Variants in GRIA1 observed in about 807,000 individuals in gnomAD.
GRIA1 encodes glutamate receptor 1.
A neutral mutation model predicts 99.2 loss-of-function variants in GRIA1; 31 were observed. The observed-to-expected ratio is 0.31, with a 90% CI of 0.23 to 0.42. The LOEUF (loss-of-function observed/expected upper bound fraction) is 0.42. Ranked by LOEUF, GRIA1 falls within the 10% of genes least tolerant of loss-of-function variation. The probability of loss-of-function intolerance (pLI) is 1.00; values close to 1 mark genes in which losing one functional copy is unlikely to be tolerated. For missense variants in GRIA1, 782 were observed against 1,157.5 expected (o/e 0.68, Z 4.71); for synonymous variants, 438 against 432.4 (o/e 1.01, Z -0.16).
chr5:153,751,363 T>A (rs1255595329), intron 11 of GRIA1, among the ~76,000 whole-genome samples: 1 of 152,264 alleles, frequency 6.6e-6, no homozygotes, highest in Admixed American at 6.5e-5. Flanking sequence ...TGTCAACTAC[T>A]GTTGCATATT....
chr5:153,530,676 G>A (rs1205432911), intron 2 of GRIA1, among the ~76,000 whole-genome samples: 1 of 152,216 alleles, frequency 6.6e-6, no homozygotes, highest in African/African-American at 2.4e-5. Context: ...CTGGGTGTTT[G>A]CATTCAGACA....
chr5:153,648,937 G>A (rs1754348051), intron 3 of GRIA1, among the ~76,000 whole-genome samples: 3 of 152,070 alleles, frequency 2.0e-5, no homozygotes, highest in Admixed American at 6.6e-5. Flanking sequence ...GATTAAGGTT[G>A]CTAAACTATT....
intron 2 of GRIA1, among the ~76,000 whole-genome samples, chr5:153,537,916 C>A (rs2113471371): frequency 6.6e-6 from 1 of 152,262 alleles, no homozygotes; most frequent in South Asian, 2.1e-4. Flanking sequence ...GTGCTCTTAC[C>A]AGCCCTGTGA....
At chr5:153,502,541 G>C (rs372182003) in intron 2 of GRIA1, among the ~76,000 whole-genome samples, 1 of 152,166 alleles carries the variant, frequency 6.6e-6, no homozygotes, top group African/African-American at 2.4e-5. Flanking sequence ...CCTAAATAAG[G>C]TATAAGGTTC....
chr5:153,801,715 C>G (rs1190756134), intron 14 of GRIA1, among the ~76,000 whole-genome samples: 2 of 152,142 alleles, frequency 1.3e-5, no homozygotes, highest in Non-Finnish European at 2.9e-5. Flanking sequence ...TATCTCAGAG[C>G]CTTTTTACTA....
At chr5:153,695,986 A>G (rs1022754883) in intron 8 of GRIA1, among the ~76,000 whole-genome samples, 1 of 152,212 alleles carries the variant, frequency 6.6e-6, no homozygotes, top group Non-Finnish European at 1.5e-5. Context: ...AGTCTTGTCC[A>G]TGAGAAACTC....
intron 7 of GRIA1, among the ~76,000 whole-genome samples, chr5:153,685,626 G>A (rs1477840268): frequency 6.6e-6 from 1 of 152,246 alleles, no homozygotes; most frequent in East Asian, 1.9e-4. Flanking sequence ...GGCTTAGAGA[G>A]CTAAATTGCC....
At chr5:153,725,804 C>T (rs1290720926) in intron 11 of GRIA1, among the ~76,000 whole-genome samples, 2 of 130,668 alleles carry the variant, frequency 1.5e-5, no homozygotes, top group Admixed American at 1.6e-4. Flanking sequence ...GACTTTAACA[C>T]CCCACTGTCA....
At chr5:153,670,183 T>A (rs1284900704) in intron 5 of GRIA1, among the ~76,000 whole-genome samples, 1 of 152,200 alleles carries the variant, frequency 6.6e-6, no homozygotes, top group Non-Finnish European at 1.5e-5. Flanking sequence ...CTCACCGATT[T>A]ATTAGTCACA....
chr5:153,539,957 G>A (rs964153258), intron 2 of GRIA1, among the ~76,000 whole-genome samples: 20 of 152,180 alleles, frequency 1.3e-4, no homozygotes, highest in African/African-American at 4.6e-4. Flanking sequence ...GGTCACATTC[G>A]GAAGGCTCCA....
At chr5:153,706,095 C>A in intron 11 of GRIA1, 28 bp downstream of exon 11, 3 of 1,503,062 alleles carry the variant, frequency 2.0e-6, no homozygotes, top group Non-Finnish European at 2.7e-6. Context: ...AATCCCTTTG[C>A]CTAATGCTAT....
intron 2 of GRIA1, among the ~76,000 whole-genome samples, chr5:153,635,340 C>A (rs896924208): frequency 2.0e-5 from 3 of 152,162 alleles, no homozygotes; most frequent in Non-Finnish European, 4.4e-5. Context: ...ATGGGGATTG[C>A]GGAGATGACT....
rs556743023 is a variant in GRIA1 at position 153,596,611 on chromosome 5, A to G, written c.221-50317A>G. ...TGACTCCAAATCCAAGGCTCTGTTC[A>G]TCAACTTGGAGCCCCTGTTCTGACG... On this transcript the variant is annotated intron_variant, in intron 2 of 15. Coordinates refer to ENST00000285900, the MANE Select transcript of GRIA1 (RefSeq NM_000827.4). Among the ~76,000 whole-genome samples, 7 of 152,302 alleles carry G rather than the reference A, an allele frequency of 4.6e-5. No individual in the cohort carries two copies. In the South Asian group the frequency reaches 1.5e-3, roughly 32 times the overall value.
chr5:153,510,448 A>G lies in GRIA1; in HGVS notation c.220+16383A>G, dbSNP rs761060482. The stretch of plus-strand genomic sequence containing the variant: ...TTGATCATAAGTATCCTGTAAATCC[A>G]GCGGGCATTGTGAACAGAGATTGTC... On this transcript the variant is annotated intron_variant, in intron 2 of 15. Transcript: ENST00000285900. 7.9e-5 allele frequency among the ~76,000 whole-genome samples: 12 copies of G among 152,340 alleles called. No individual in the cohort carries two copies. The Middle Eastern group carries it at 0.01, about 130-fold the overall frequency.
intron 2 of GRIA1, among the ~76,000 whole-genome samples, chr5:153,552,357 C>T (rs1448398080): frequency 6.6e-6 from 1 of 152,164 alleles, no homozygotes; most frequent in Non-Finnish European, 1.5e-5. Flanking sequence ...TTGCTGCTGT[C>T]CATACCAGCT....
intron 2 of GRIA1, among the ~76,000 whole-genome samples, chr5:153,562,312 A>G (rs1007360228): frequency 6.6e-6 from 1 of 152,088 alleles, no homozygotes; most frequent in African/African-American, 2.4e-5. Context: ...ACAGGATGTG[A>G]GACTTGGAGT....
At chr5:153,654,105 T>C (rs1754766221) in intron 4 of GRIA1, among the ~76,000 whole-genome samples, 1 of 152,194 alleles carries the variant, frequency 6.6e-6, no homozygotes, top group South Asian at 2.1e-4. Context: ...CAATGAAGTG[T>C]AACCTCCAAG....
At chr5:153,599,007 G>A (rs549076749) in intron 2 of GRIA1, among the ~76,000 whole-genome samples, 111 of 151,990 alleles carry the variant, frequency 7.3e-4, no homozygotes, top group Non-Finnish European at 1.2e-3. Flanking sequence ...TCAGCCTCCC[G>A]AGCAGCTGGA....
At chr5:153,516,761 G>A (rs554616324) in intron 2 of GRIA1, among the ~76,000 whole-genome samples, 5 of 152,140 alleles carry the variant, frequency 3.3e-5, no homozygotes, top group Non-Finnish European at 7.3e-5. Context: ...CAGCATGGGG[G>A]CGTATTGTGA....
Sources: allele counts gnomAD v4.1 joint callset (sites outside exome capture counted in the v4.1 genomes callset), GRCh38; gene constraint gnomAD v4.1.1; transcripts MANE v1.5; gene names NCBI Gene and HGNC (gene_info 2026-07-23, HGNC 2026-07-21).